The following ECE1 variants were observed in gnomAD, a reference collection of about 807,000 sequenced individuals.
ECE1 encodes endothelin converting enzyme 1.
A neutral mutation model predicts 98.6 loss-of-function variants in ECE1; 35 were observed. The ratio of observed to expected loss-of-function variants is 0.35; its 90% CI spans 0.27 to 0.47. The LOEUF is 0.47. Ranked by LOEUF, ECE1 falls within the 20% of genes least tolerant of loss-of-function variation. The pLI, the probability that ECE1 is intolerant of heterozygous loss-of-function variation, is 1.00. For synonymous variants in ECE1, 394 were observed against 407.1 expected (o/e 0.97, Z 0.39); for missense variants, 814 against 1,025.3 (o/e 0.79, Z 2.81).
intron 1 of ECE1, among the ~76,000 whole-genome samples, chr1:21,315,789 C>CAAAA (rs754647376): frequency 7.2e-4 from 34 of 47,264 alleles, no homozygotes; most frequent in African/African-American, 2.4e-3. Flanking sequence ...GACTCTGTCT[C>CAAAA]AAAAAAAAAA....
intron 1 of ECE1, among the ~76,000 whole-genome samples, chr1:21,333,236 GC>G (rs1382696979): frequency 2.0e-5 from 3 of 150,248 alleles, no homozygotes; most frequent in African/African-American, 7.4e-5. Flanking sequence ...GGGGGGAGCT[GC>G]CCAGTTTTTC....
At chr1:21,253,032 T>C (rs950604559) in intron 8 of ECE1, among the ~76,000 whole-genome samples, 1 of 135,186 alleles carries the variant, frequency 7.4e-6, no homozygotes. Context: ...CAGGACTTCT[T>C]TATTATTTTA....
chr1:21,271,116 T>C (rs774022244), intron 4 of ECE1, among the ~76,000 whole-genome samples: 11 of 152,202 alleles, frequency 7.2e-5, no homozygotes, highest in Non-Finnish European at 1.5e-4. Context: ...GCTTCGGACA[T>C]ACTGAGCTTC....
Position 21,322,017 on chromosome 1 carries a change from G to A in ECE1, c.3+23359C>T, listed in dbSNP as rs1009991450. ...AGGGGCCAGTTGGTGTGATTCCCAG[G>A]TCCGAATGAAACAGAGCTGCGTCCC... On this transcript the variant is annotated intron_variant, in intron 1 of 18. Transcript: ENST00000415912. This position sits in a 1 kb window ranked among gnomAD's most constrained non-coding sequence, Gnocchi z 4.1. Among the ~76,000 whole-genome samples, 3 of 152,132 alleles carry A rather than the reference G, an allele frequency of 2.0e-5. No individual in the cohort carries two copies. The highest frequency in any genetic ancestry group is 4.4e-5 in the Non-Finnish European group (3 of 68,038).
At chr1:21,251,343 T>C (rs1199451531) in intron 8 of ECE1, among the ~76,000 whole-genome samples, 1 of 151,874 alleles carries the variant, frequency 6.6e-6, no homozygotes, top group Non-Finnish European at 1.5e-5. Context: ...TGAAACCCTA[T>C]CTCTGCTAAA....
At chr1:21,310,158 G>C (rs1416088616) in intron 1 of ECE1, among the ~76,000 whole-genome samples, 2 of 152,134 alleles carry the variant, frequency 1.3e-5, no homozygotes, top group African/African-American at 4.8e-5. Context: ...AGGGAGGGAG[G>C]ATCATCAGGC....
intron 2 of ECE1, among the ~76,000 whole-genome samples, chr1:21,284,826 G>A (rs1228213011): frequency 1.3e-5 from 2 of 152,214 alleles, no homozygotes; most frequent in East Asian, 3.8e-4. Flanking sequence ...GCACGAAGCA[G>A]CAATGGGAGT....
chr1:21,333,267 T>C (rs974870271), intron 1 of ECE1, among the ~76,000 whole-genome samples: 5 of 140,482 alleles, frequency 3.6e-5, no homozygotes, highest in Non-Finnish European at 6.2e-5. Context: ...CTGCACTTAG[T>C]GCCTCCGCCT....
intron 1 of ECE1, among the ~76,000 whole-genome samples, chr1:21,325,810 A>T (rs1639065608): frequency 6.6e-6 from 1 of 152,246 alleles, no homozygotes; most frequent in Non-Finnish European, 1.5e-5. Flanking sequence ...AGGTACGAGA[A>T]GCAACGAGAA....
chr1:21,279,523 G>A (rs897213835), intron 2 of ECE1, 191 bp from the exon 3 acceptor site: 7 of 1,461,066 alleles, frequency 4.8e-6, no homozygotes, highest in South Asian at 2.9e-5. Context: ...TCAGCTGCTC[G>A]GATCTGCTCC....
At chr1:21,263,315 G>C (rs1250920891) in intron 4 of ECE1, among the ~76,000 whole-genome samples, 1 of 152,072 alleles carries the variant, frequency 6.6e-6, no homozygotes, top group African/African-American at 2.4e-5. Context: ...AAGATGAGAG[G>C]GTGATGAGGC....
chr1:21,345,138 G>A lies in ECE1; in HGVS notation c.3+238C>T. ...AGCCCCCCACATCCGGCTGGGACCA[G>A]AACCAAGCTCGGCGCGGCCGCCCCC... On this transcript the variant is annotated intron_variant, in intron 1 of 18. Coordinates refer to the ECE1 transcript ENST00000415912. The surrounding 1 kb of genome is among the most constrained non-coding windows in gnomAD (Gnocchi z 5.1). The A allele has an allele frequency of 2.9e-6, 1 of 346,368 alleles. No homozygotes were observed. Among genetic ancestry groups the A allele is most frequent in the Non-Finnish European group, 4.5e-6 (1 of 221,006 alleles). 21.5% of individuals were successfully genotyped at this position (346,368 alleles called of 1,614,324 possible). A position where few individuals can be genotyped will look rare whatever the true frequency, so the allele number is the denominator to read the frequency against.
rs774704228 is a variant in ECE1 at position 21,260,345 on chromosome 1, A to G, written c.541T>C (p.Tyr181His). Reference protein sequence around the residue: ...VSEAERKAQVYYRACMNETRI... With the variant: ...VSEAERKAQVHYRACMNETRI... ...GTCTCGTTCATGCACGCACGGTAGT[A>G]TACTTGCGCCTTTCTCTCTGCCTCG... The change falls in exon 5 of 19, where the codon TAC (tyrosine) becomes CAC (histidine). Residue 181 changes from tyrosine (Y) to histidine (H), a missense_variant. By Grantham distance (83) the Tyr-to-His change is moderately conservative. Coordinates refer to ENST00000374893, the MANE Select transcript of ECE1 (RefSeq NM_001397.3). The surrounding 1 kb of genome is among the most constrained non-coding windows in gnomAD (Gnocchi z 4.3). 6.2e-7 allele frequency: 1 copy of G among 1,614,252 alleles called. No individual in the cohort carries two copies. The highest frequency in any genetic ancestry group is 8.5e-7 in the Non-Finnish European group (1 of 1,180,044).
intron 5 of ECE1, among the ~76,000 whole-genome samples, chr1:21,259,647 C>T (rs1376715348): frequency 2.0e-5 from 3 of 152,156 alleles, no homozygotes; most frequent in Non-Finnish European, 4.4e-5. Context: ...TGCTGCAATG[C>T]TTTCCTGGAG....
chr1:21,269,711 C>T (rs965646536), intron 4 of ECE1, among the ~76,000 whole-genome samples: 2 of 152,204 alleles, frequency 1.3e-5, no homozygotes, highest in African/African-American at 4.8e-5. Flanking sequence ...TCAATACTCA[C>T]AGTAACTGTA....
At chr1:21,248,003 C>T (rs920226008) in intron 8 of ECE1, among the ~76,000 whole-genome samples, 1 of 152,194 alleles carries the variant, frequency 6.6e-6, no homozygotes, top group South Asian at 2.1e-4. Context: ...CATCAGTGAA[C>T]TTCTACATGA....
chr1:21,316,472 C>T (rs918237921), intron 1 of ECE1, among the ~76,000 whole-genome samples: 1 of 152,034 alleles, frequency 6.6e-6, no homozygotes, highest in African/African-American at 2.4e-5. Context: ...TGGGGTTTCA[C>T]CATGTTGGCC....
intron 1 of ECE1, among the ~76,000 whole-genome samples, chr1:21,338,358 T>C (rs1458812602): frequency 6.6e-6 from 1 of 152,208 alleles, no homozygotes; most frequent in African/African-American, 2.4e-5. Context: ...ACCATGACCA[T>C]TTAATCAAAC....
intron 3 of ECE1, among the ~76,000 whole-genome samples, chr1:21,276,594 G>A (rs548057548): frequency 1.3e-5 from 2 of 152,242 alleles, no homozygotes; most frequent in Non-Finnish European, 2.9e-5. Context: ...CATGTTTCTG[G>A]AAAGGAAGCA....
Sources: gnomAD v4.1 joint callset for allele counts (sites outside exome capture counted in the v4.1 genomes callset) on GRCh38, gnomAD v4.1.1 for gene constraint, Gnocchi (gnomAD v3.1) non-coding constraint, MANE v1.5 for transcripts, NCBI Gene and HGNC (gene_info 2026-07-23, HGNC 2026-07-21) for gene names.